STAG1: variants seen among roughly 807,000 people sequenced by gnomAD.
STAG1 encodes the protein STAG1 cohesin complex component.
STAG1 carries 26 observed loss-of-function variants against 170.9 expected under a neutral mutation model. That is an observed-to-expected ratio of 0.15 (90% CI 0.11 to 0.21). The LOEUF (loss-of-function observed/expected upper bound fraction) is 0.21. Among genes scored for constraint, STAG1 ranks in the 10% least tolerant of loss-of-function variants. The pLI, the probability that STAG1 is intolerant of heterozygous loss-of-function variation, is 1.00. For missense variants in STAG1, 964 were observed against 1,509.5 expected (o/e 0.64, Z 5.99); for synonymous variants, 514 against 497.7 (o/e 1.03, Z -0.44).
At chr3:136,599,488 G>A (rs865781893) in intron 4 of STAG1, among the ~76,000 whole-genome samples, 12 of 152,080 alleles carry the variant, frequency 7.9e-5, no homozygotes, top group Middle Eastern at 3.2e-3. Flanking sequence ...CCGAGATTGC[G>A]CCACTGCACT....
At chr3:136,392,323 C>G (rs370168910) in intron 22 of STAG1, among the ~76,000 whole-genome samples, 13 of 152,164 alleles carry the variant, frequency 8.5e-5, no homozygotes, top group Admixed American at 5.9e-4. Flanking sequence ...TACGGTATAG[C>G]TACACAATAG....
At chr3:136,491,041 T>C (rs2090115736) in intron 9 of STAG1, among the ~76,000 whole-genome samples, 1 of 152,216 alleles carries the variant, frequency 6.6e-6, no homozygotes, top group Non-Finnish European at 1.5e-5. Context: ...TTAAGTTTTT[T>C]TAATCTGAAG....
intron 4 of STAG1, among the ~76,000 whole-genome samples, chr3:136,597,543 G>A (rs1169382944): frequency 6.6e-6 from 1 of 152,022 alleles, no homozygotes; most frequent in African/African-American, 2.4e-5. Context: ...TTTTTTATTA[G>A]ATTTTTATTT....
chr3:136,719,263 G>A (rs1418256784), intron 1 of STAG1, among the ~76,000 whole-genome samples: 4 of 152,034 alleles, frequency 2.6e-5, no homozygotes, highest in African/African-American at 4.8e-5. Flanking sequence ...CCAAACATAA[G>A]AGCATATAAA....
At chr3:136,708,563 T>C (rs969931384) in intron 1 of STAG1, among the ~76,000 whole-genome samples, 3 of 152,040 alleles carry the variant, frequency 2.0e-5, no homozygotes, top group African/African-American at 4.8e-5. Flanking sequence ...AACAACACAA[T>C]TGCACTAAAT....
intron 1 of STAG1, among the ~76,000 whole-genome samples, chr3:136,692,984 C>A (rs576574318): frequency 6.6e-6 from 1 of 152,114 alleles, no homozygotes; most frequent in Non-Finnish European, 1.5e-5. Context: ...GAGATGTCTT[C>A]GGTGTGTGGG....
At chr3:136,505,987 AAAGG>A (rs1933739080) in intron 7 of STAG1, among the ~76,000 whole-genome samples, 1 of 152,190 alleles carries the variant, frequency 6.6e-6, no homozygotes, top group African/African-American at 2.4e-5. Context: ...AAGATACTTA[AAAGG>A]AAGGAAGAGG....
intron 1 of STAG1, among the ~76,000 whole-genome samples, chr3:136,643,930 CAAT>C (rs1197189764): frequency 6.6e-6 from 1 of 152,096 alleles, no homozygotes. Context: ...GATTCGTAAA[CAAT>C]AATTTTCAAA....
At chr3:136,615,799 A>G (rs914377702) in intron 3 of STAG1, among the ~76,000 whole-genome samples, 3 of 152,116 alleles carry the variant, frequency 2.0e-5, no homozygotes, top group Non-Finnish European at 4.4e-5. Flanking sequence ...GAAAATGAAA[A>G]AAAAGAAAAA....
intron 1 of STAG1, chr3:136,736,923 C>G: frequency 6.3e-7 from 1 of 1,590,274 alleles, no homozygotes; most frequent in Non-Finnish European, 8.6e-7. Context: ...GATCTAGTAG[C>G]AACTTGTAAG....
chr3:136,694,189 T>C (rs1329257941), intron 1 of STAG1, among the ~76,000 whole-genome samples: 1 of 152,162 alleles, frequency 6.6e-6, no homozygotes, highest in African/African-American at 2.4e-5. Flanking sequence ...ATGTAAATTC[T>C]TTGCAAGTTG....
At chr3:136,539,113 G>A (rs1239661700) in intron 6 of STAG1, among the ~76,000 whole-genome samples, 8 of 149,584 alleles carry the variant, frequency 5.3e-5, no homozygotes, top group Non-Finnish European at 1.2e-4. Context: ...TAGCCTGGGC[G>A]ACAGAGCCAG....
intron 25 of STAG1, 87 bp from the exon 26 acceptor site, chr3:136,363,554 T>TC: frequency 3.0e-6 from 1 of 329,800 alleles, no homozygotes. Context: ...CCTTTGAAAA[T>TC]GAAAAAAAAA....
At chr3:136,456,014 G>C (rs1280842108) in intron 13 of STAG1, among the ~76,000 whole-genome samples, 1 of 152,184 alleles carries the variant, frequency 6.6e-6, no homozygotes, top group Non-Finnish European at 1.5e-5. Context: ...CAGGGTTCAA[G>C]TTCTGAAACT....
At chr3:136,697,192 A>C (rs185134730) in intron 1 of STAG1, among the ~76,000 whole-genome samples, 2 of 152,282 alleles carry the variant, frequency 1.3e-5, no homozygotes, top group South Asian at 4.1e-4. Flanking sequence ...CACACTTAAC[A>C]TTTTTTACCT....
Position 136,553,647 on chromosome 3 carries a change from G to A in STAG1, c.395-11452C>T, listed in dbSNP as rs577987774. Among the ~76,000 whole-genome samples, 380 of 152,282 alleles carry A rather than the reference G, an allele frequency of 2.5e-3. 3 individuals carry two copies. The highest frequency in any genetic ancestry group is 8.3e-3 in the African/African-American group (347 of 41,566). On this transcript the variant is annotated intron_variant, in intron 5 of 33. Transcript: ENST00000383202. ...AAATTAGCCGGGTGTGGTGGTGTGC[G>A]CCTGTAGTCCCAGTTACTCAGGAGG...
intron 5 of STAG1, among the ~76,000 whole-genome samples, chr3:136,567,810 A>G (rs1289297422): frequency 6.6e-6 from 1 of 152,240 alleles, no homozygotes; most frequent in Non-Finnish European, 1.5e-5. Flanking sequence ...TATGTAAAGC[A>G]CACAGCTTGC....
intron 6 of STAG1, among the ~76,000 whole-genome samples, chr3:136,533,361 C>T (rs1391824923): frequency 6.6e-6 from 1 of 152,024 alleles, no homozygotes; most frequent in East Asian, 1.9e-4. Context: ...GGTAAAATGA[C>T]TGTGTCGCCT....
chr3:136,665,424 TTAAAA>T (rs1354039182), intron 1 of STAG1, among the ~76,000 whole-genome samples: 2 of 152,124 alleles, frequency 1.3e-5, no homozygotes, highest in Non-Finnish European at 2.9e-5. Context: ...GTTACAGACT[TTAAAA>T]TAAGGCAGTT....
Sources: gnomAD v4.1 joint callset for allele counts (sites outside exome capture counted in the v4.1 genomes callset) on GRCh38, gnomAD v4.1.1 for gene constraint, MANE v1.5 for transcripts, NCBI Gene and HGNC (gene_info 2026-07-23, HGNC 2026-07-21) for gene names.